The following GLB1L2 variants were observed in gnomAD, a reference collection of about 807,000 sequenced individuals.
GLB1L2 encodes the protein beta-galactosidase-1-like protein 2.
GLB1L2 carries 68 observed loss-of-function variants against 84.1 expected under a neutral mutation model. The observed-to-expected ratio is 0.81, with a 90% CI of 0.67 to 0.99. GLB1L2 has a LOEUF of 0.99. Ranked by LOEUF, GLB1L2 falls within the 50% of genes least tolerant of loss-of-function variation. The pLI is 0.00. For synonymous variants in GLB1L2, 290 were observed against 318.0 expected (o/e 0.91, Z 0.94); for missense variants, 762 against 805.6 (o/e 0.95, Z 0.66).
chr11:134,374,634 C>A lies in GLB1L2; in HGVS notation c.1740C>A (p.Gly580=), dbSNP rs750442136. 1.9e-6 allele frequency: 3 copies of A among 1,613,924 alleles called. No individual in the cohort carries two copies. The highest frequency in any genetic ancestry group is 1.3e-5 in the African/African-American group (1 of 74,916). Residue 580 remains glycine (G), a synonymous_variant, in exon 18 of 19, where the codon GGC becomes GGA. Coordinates refer to ENST00000535456, the MANE Select transcript of GLB1L2 (RefSeq NM_001370461.1). ...AGAAGGGGGTTGTATTCATCAATGG[C>A]CAGAACCTTGGACGTTACTGGAACA... ...GWEKGVVFIN[G]QNLGRYWNIG...
intron 8 of GLB1L2, 24 bp from the exon 9 acceptor site, chr11:134,367,232 CT>C (rs754415355): frequency 6.2e-7 from 1 of 1,603,508 alleles, no homozygotes; most frequent in Non-Finnish European, 8.5e-7. Context: ...GCCTGCTTGT[CT>C]AACTCTCATT....
Position 134,347,385 on chromosome 11 carries a change from A to G in GLB1L2, c.510A>G (p.Ala170=). ...CAACTTACAAGGGCTTCACCGAAGCAGTGGACCTTTATTTTGACCACCTGA... is the reference window on the plus strand; with the variant it reads ...CAACTTACAAGGGCTTCACCGAAGCGGTGGACCTTTATTTTGACCACCTGA... ...LRTTYKGFTE[A]VDLYFDHLMS... The change falls in exon 5 of 19, where the codon GCA becomes GCG. Residue 170 remains alanine, a synonymous_variant. Transcript: ENST00000535456. 1 of 1,614,210 alleles carries G rather than the reference A, an allele frequency of 6.2e-7. No homozygotes were observed. Among genetic ancestry groups the G allele is most frequent in the East Asian group, 2.2e-5 (1 of 44,890 alleles).
intron 7 of GLB1L2, 129 bp downstream of exon 7, chr11:134,359,270 C>G (rs1591619279): frequency 3.1e-6 from 2 of 636,822 alleles, no homozygotes; most frequent in East Asian, 5.8e-5. Context: ...GCATATGGCA[C>G]TGGGCTGCAG....
intron 5 of GLB1L2, among the ~76,000 whole-genome samples, chr11:134,348,187 G>A (rs1236928998): frequency 6.6e-6 from 1 of 152,216 alleles, no homozygotes; most frequent in Non-Finnish European, 1.5e-5. Flanking sequence ...ACTGCCAGAT[G>A]AAACACAGGA....
rs1943414891 is a variant in GLB1L2 at position 134,338,240 on chromosome 11, C to G, written c.87-4514C>G. Among the ~76,000 whole-genome samples, 1 of 152,156 alleles carries G rather than the reference C, an allele frequency of 6.6e-6. No individual in the cohort carries two copies. Among genetic ancestry groups the G allele is most frequent in the Non-Finnish European group, 1.5e-5 (1 of 68,040 alleles). On this transcript the variant is annotated intron_variant, in intron 1 of 18. Transcript: ENST00000535456. The surrounding 1 kb of genome is among the most constrained non-coding windows in gnomAD (Gnocchi z 6.2). ...ATGACTGTGACCCCAGTGAGGCCTC[C>G]CAGCCGTACCATGACCCCGGTTCCT...
intron 5 of GLB1L2, 41 bp downstream of exon 5, chr11:134,347,474 C>A: frequency 7.2e-7 from 1 of 1,384,078 alleles, no homozygotes; most frequent in Non-Finnish European, 1.0e-6. Flanking sequence ...GGTCTGTCTT[C>A]CTCTAGGTCG....
At chr11:134,344,203 G>A (rs2136265240) in intron 2 of GLB1L2, among the ~76,000 whole-genome samples, 184 bp from the exon 3 acceptor site, 1 of 152,330 alleles carries the variant, frequency 6.6e-6, no homozygotes, top group Admixed American at 6.5e-5. Flanking sequence ...GATGCAGAGG[G>A]AAGAGGGCTT....
chr11:134,332,714 C>T (rs1374221087), intron 1 of GLB1L2, among the ~76,000 whole-genome samples: 1 of 152,206 alleles, frequency 6.6e-6, no homozygotes, highest in Non-Finnish European at 1.5e-5. Context: ...TAGGTCGTCT[C>T]TCTCCACTTT....
intron 1 of GLB1L2, among the ~76,000 whole-genome samples, chr11:134,333,094 T>G (rs75325314): frequency 6.6e-6 from 1 of 152,072 alleles, no homozygotes; most frequent in Non-Finnish European, 1.5e-5. Flanking sequence ...GACAGGGAAG[T>G]TTTTGATGGA....
At position 134,370,539 on chromosome 11, in the gene GLB1L2, G is replaced by A. The variant is rs1353614978; in HGVS notation, c.1215+140G>A. 8 of 670,336 alleles carry A rather than the reference G, an allele frequency of 1.2e-5. No homozygotes were observed. In the Admixed American group the frequency reaches 1.4e-4, roughly 12 times the overall value. 41.5% of individuals were successfully genotyped at this position (670,336 alleles called of 1,614,324 possible). A position where few individuals can be genotyped will look rare whatever the true frequency, so the allele number is the denominator to read the frequency against. On this transcript the variant is annotated intron_variant, in intron 12 of 18. Coordinates refer to ENST00000535456, the MANE Select transcript of GLB1L2 (RefSeq NM_001370461.1). This position sits in a 1 kb window ranked among gnomAD's most constrained non-coding sequence, Gnocchi z 4.7. ...GGCCTGGAGCCCCTCCAGACAGGGAGTGTGGGGGGAGGCAGGCCAGTGCCT... is the reference window on the plus strand; with the variant it reads ...GGCCTGGAGCCCCTCCAGACAGGGAATGTGGGGGGAGGCAGGCCAGTGCCT...
At chr11:134,336,021 C>T (rs567769971) in intron 1 of GLB1L2, among the ~76,000 whole-genome samples, 63 of 152,176 alleles carry the variant, frequency 4.1e-4, no homozygotes, top group African/African-American at 1.5e-3. Context: ...TATTAAAGAC[C>T]GTATTGAAAA....
rs755604632 is a variant in GLB1L2 at position 134,342,977 on chromosome 11, A to G, written c.284+26A>G. The G allele has an allele frequency of 6.9e-6, 11 of 1,586,946 alleles. No homozygotes were observed. In the Admixed American group the frequency reaches 1.9e-4, roughly 28 times the overall value. ...GTAGGTGCTGCCCCTGTCCCCCCGG[A>G]GCCTGGTTCCTAAGCAGGGCGCCTG... On this transcript the variant is annotated intron_variant, in intron 2 of 18. Coordinates refer to ENST00000535456, the MANE Select transcript of GLB1L2 (RefSeq NM_001370461.1).
intron 17 of GLB1L2, 126 bp from the exon 18 acceptor site, chr11:134,374,476 C>T: frequency 1.2e-6 from 1 of 814,428 alleles, no homozygotes; most frequent in South Asian, 1.5e-5. Flanking sequence ...CACCTGCCCA[C>T]CCTCATGGCT....
intron 4 of GLB1L2, 125 bp from the exon 5 acceptor site, chr11:134,347,200 G>A (rs369178008): frequency 5.3e-6 from 4 of 758,058 alleles, no homozygotes; most frequent in African/African-American, 1.7e-5. Flanking sequence ...GCTCAGTGGG[G>A]TGGAGGAGGG....
At chr11:134,351,915 C>T (rs1332229424) in intron 5 of GLB1L2, among the ~76,000 whole-genome samples, 1 of 151,884 alleles carries the variant, frequency 6.6e-6, no homozygotes, top group East Asian at 1.9e-4. Flanking sequence ...TAAGAAATTC[C>T]CAAAGAAAAG....
intron 1 of GLB1L2, among the ~76,000 whole-genome samples, chr11:134,341,736 C>G (rs1228078987): frequency 6.6e-6 from 1 of 152,226 alleles, no homozygotes; most frequent in African/African-American, 2.4e-5. Flanking sequence ...TCCCAAGAGG[C>G]TGGCGATGTC....
chr11:134,342,754 G>T lies in GLB1L2; in HGVS notation c.87G>T (p.Arg29Ser), dbSNP rs142844653. 17 of 1,613,264 alleles carry T rather than the reference G, an allele frequency of 1.1e-5. No individual in the cohort carries two copies. In the African/African-American group the frequency reaches 2.0e-4, roughly 19 times the overall value. Residue 29 changes from arginine (R) to serine (S), a missense_variant and splice_region_variant, in exon 2 of 19, where the codon AGG becomes AGT. Transcript: ENST00000535456. ...LVVLGFLVLR[R>S]LDWSTLVPLR... ...CTCCAGAATGTCTTTGTCTTTCCAG[G>T]CTGGACTGGAGCACCCTGGTCCCTC...
intron 1 of GLB1L2, among the ~76,000 whole-genome samples, chr11:134,335,793 C>A (rs1470919127): frequency 6.6e-6 from 1 of 152,060 alleles, no homozygotes; most frequent in Non-Finnish European, 1.5e-5. Context: ...GAGGTCATGT[C>A]AGACGCTCTT....
At chr11:134,364,542 TG>T in intron 8 of GLB1L2, 144 bp downstream of exon 8, 1 of 684,402 alleles carries the variant, frequency 1.5e-6, no homozygotes, top group South Asian at 1.8e-5. Flanking sequence ...CATGCCACTG[TG>T]TGCCTGCAAG....
Sources: gnomAD v4.1 joint callset for allele counts (sites outside exome capture counted in the v4.1 genomes callset) on GRCh38, gnomAD v4.1.1 for gene constraint, Gnocchi (gnomAD v3.1) non-coding constraint, MANE v1.5 for transcripts, NCBI Gene and HGNC (gene_info 2026-07-23, HGNC 2026-07-21) for gene names.